The following MILR1 variants were observed in gnomAD, a reference collection of about 807,000 sequenced individuals.
The protein encoded by MILR1 is allergin-1.
Under a neutral mutation model 18.5 loss-of-function variants are expected in MILR1, and 31 were observed. That is an observed-to-expected ratio of 1.68 (90% CI 1.26 to 2.26). The LOEUF is 2.26. MILR1 is among the 30% of genes most tolerant of loss of function. The probability of loss-of-function intolerance (pLI) is 0.00; values close to 1 mark genes in which losing one functional copy is unlikely to be tolerated. For synonymous variants in MILR1, 85 were observed against 56.2 expected (o/e 1.51, Z -2.30); for missense variants, 257 against 157.4 (o/e 1.63, Z -3.38).
At chr17:64,468,671 A>G, downstream of MILR1, 2 of 1,095,738 alleles carry the variant, frequency 1.8e-6, no homozygotes, top group Non-Finnish European at 2.2e-6. Flanking sequence ...TGACTCTTCA[A>G]TATTCTGCTC....
At chr17:64,473,066 T>C (rs1203412259), downstream of MILR1, among the ~76,000 whole-genome samples, 1 of 152,004 alleles carries the variant, frequency 6.6e-6, no homozygotes, top group South Asian at 2.1e-4. Flanking sequence ...AAGTTGTCTT[T>C]TGGCCGGGCG....
At position 64,457,673 on chromosome 17, in the gene MILR1, T is replaced by G; in HGVS notation, c.641T>G (p.Met214Arg). The G allele has an allele frequency of 4.2e-6, 2 of 474,688 alleles. No homozygotes were observed. Among genetic ancestry groups the G allele is most frequent in the Non-Finnish European group, 7.7e-6 (2 of 259,078 alleles). 29.4% of individuals were successfully genotyped at this position (474,688 alleles called of 1,614,324 possible). ...GCAACATACAGTCACCCTGTCACCA[T>G]GCCCTCAACAGGTAAGAGCAACCTG... The part of the protein sequence containing the change: ...NYATYSHPVT[M>R]PSTGGDSCPF... Residue 214 changes from methionine to arginine, a missense_variant, in exon 4 of 10, where the codon ATG (methionine) becomes AGG (arginine). Coordinates refer to ENST00000619286, the MANE Select transcript of MILR1 (RefSeq NM_001085423.2).
At chr17:64,463,196 C>T (rs1374437950) in intron 5 of MILR1, among the ~76,000 whole-genome samples, 3 of 152,038 alleles carry the variant, frequency 2.0e-5, no homozygotes, top group Admixed American at 1.3e-4. Context: ...TTTTTAGAGA[C>T]GGGGTCTCAC....
the MILR1 span, among the ~76,000 whole-genome samples, chr17:64,486,419 GGC>G: frequency 6.6e-6 from 1 of 151,076 alleles, no homozygotes; most frequent in African/African-American, 2.4e-5. Flanking sequence ...GGAGTGCAAT[GGC>G]ATGATCTCAC....
At chr17:64,492,110 G>C in the MILR1 span, among the ~76,000 whole-genome samples, 2 of 152,194 alleles carry the variant, frequency 1.3e-5, no homozygotes, top group Non-Finnish European at 2.9e-5. Flanking sequence ...CATGACTAAA[G>C]TGGGATAAAG....
chr17:64,466,423 T>C lies in MILR1; in HGVS notation c.854-19T>C, dbSNP rs782606732. The C allele has an allele frequency of 8.1e-6, 13 of 1,611,304 alleles. No individual in the cohort carries two copies. The South Asian group carries it at 1.4e-4, about 18-fold the overall frequency. ...ACAAACGCCACCAACCCCCAATTTA[T>C]GTCATTCTCATTTTACAGAGGAGGA... On this transcript the variant is annotated intron_variant, in intron 6 of 9. Transcript: ENST00000619286.
intron 6 of MILR1, 83 bp downstream of exon 6, chr17:64,465,624 T>C (rs947334802): frequency 1.1e-5 from 16 of 1,441,688 alleles, no homozygotes; most frequent in Non-Finnish European, 1.5e-5. Flanking sequence ...CATACGGGAG[T>C]GGGGGGTGGA....
chr17:64,474,478 C>T, the MILR1 span, among the ~76,000 whole-genome samples: 2 of 152,030 alleles, frequency 1.3e-5, no homozygotes, highest in African/African-American at 2.4e-5. Flanking sequence ...GGGCTCAAGC[C>T]GTCCACACCC....
chr17:64,473,277 G>A (rs2144108122), downstream of MILR1, among the ~76,000 whole-genome samples: 1 of 151,884 alleles, frequency 6.6e-6, no homozygotes, highest in African/African-American at 2.4e-5. Context: ...TGTGAACCCG[G>A]GAGGCGGAGC....
At chr17:64,493,316 A>AGCTGGGAGGTGGATCACTTTAG in the MILR1 span, among the ~76,000 whole-genome samples, 7 of 152,090 alleles carry the variant, frequency 4.6e-5, no homozygotes, top group African/African-American at 1.2e-4. Flanking sequence ...CTACTTGGAA[A>AGCTGGGAGGTGGATCACTTTAG]GCTGGGAGGT....
chr17:64,480,274 AAATAC>A, the MILR1 span: 1 of 1,263,610 alleles, frequency 7.9e-7, no homozygotes, highest in African/African-American at 1.5e-5. Flanking sequence ...TCTTTAATGA[AAATAC>A]AATTCTTACT....
At chr17:64,479,047 A>G in the MILR1 span, among the ~76,000 whole-genome samples, 1 of 152,310 alleles carries the variant, frequency 6.6e-6, no homozygotes, top group Non-Finnish European at 1.5e-5. Context: ...CAATGTCCAC[A>G]TGGCTCAAAG....
At chr17:64,456,399 C>T (rs2037302144) in intron 3 of MILR1, among the ~76,000 whole-genome samples, 1 of 152,086 alleles carries the variant, frequency 6.6e-6, no homozygotes, top group African/African-American at 2.4e-5. Context: ...GTAGCAGACC[C>T]ATTTCCTGTT....
the MILR1 span, chr17:64,490,982 ATTTAAG>A: frequency 6.2e-7 from 1 of 1,605,524 alleles, no homozygotes; most frequent in Non-Finnish European, 8.5e-7. Context: ...GGAAAAGAAA[ATTTAAG>A]TTTGTCTTAA....
chr17:64,461,545 G>A (rs1214373226), intron 5 of MILR1, among the ~76,000 whole-genome samples: 1 of 152,018 alleles, frequency 6.6e-6, no homozygotes, highest in East Asian at 1.9e-4. Context: ...CACTGCTCCC[G>A]GCTGCATCTT....
intron 5 of MILR1, among the ~76,000 whole-genome samples, chr17:64,461,408 C>T (rs1262439995): frequency 3.3e-5 from 5 of 151,956 alleles, no homozygotes; most frequent in African/African-American, 1.2e-4. Flanking sequence ...CCACCATACC[C>T]AGCTAATTTT....
chr17:64,477,842 GAT>G, the MILR1 span: 1 of 1,602,796 alleles, frequency 6.2e-7, no homozygotes, highest in African/African-American at 1.3e-5. Flanking sequence ...CTTAGCTGAT[GAT>G]ATATACTTAA....
the MILR1 span, among the ~76,000 whole-genome samples, chr17:64,479,728 C>T: frequency 1.3e-5 from 2 of 151,904 alleles, no homozygotes; most frequent in Admixed American, 6.6e-5. Context: ...GTAGTGGCAG[C>T]GAAGACAGAG....
At chr17:64,451,454 C>T (rs1012721520) in intron 2 of MILR1, among the ~76,000 whole-genome samples, 1 of 151,812 alleles carries the variant, frequency 6.6e-6, no homozygotes, top group Non-Finnish European at 1.5e-5. Context: ...CATTTTTAAA[C>T]TTTGTACCAA....
Sources: gnomAD v4.1 joint callset for allele counts (sites outside exome capture counted in the v4.1 genomes callset) on GRCh38, gnomAD v4.1.1 for gene constraint, MANE v1.5 for transcripts, NCBI Gene and HGNC (gene_info 2026-07-23, HGNC 2026-07-21) for gene names.